Variants in ZMYM4 observed in about 807,000 individuals in gnomAD.
ZMYM4 encodes zinc finger MYM-type containing 4.
ZMYM4 carries 31 observed loss-of-function variants against 183.2 expected under a neutral mutation model. The ratio of observed to expected loss-of-function variants is 0.17; its 90% CI spans 0.13 to 0.23. ZMYM4 has a LOEUF of 0.23. Ranked by LOEUF, ZMYM4 falls within the 10% of genes least tolerant of loss-of-function variation. The pLI is 1.00. For synonymous variants in ZMYM4, 592 were observed against 631.2 expected (o/e 0.94, Z 0.93); for missense variants, 1,273 against 1,840.3 (o/e 0.69, Z 5.64).
chr1:35,391,706 T>A (rs1266915063), intron 15 of ZMYM4, among the ~76,000 whole-genome samples: 2 of 152,242 alleles, frequency 1.3e-5, no homozygotes, highest in East Asian at 3.8e-4. Context: ...GCCTTTTTTA[T>A]GTAAAGATAA....
intron 2 of ZMYM4, among the ~76,000 whole-genome samples, chr1:35,332,535 A>G (rs1216405838): frequency 6.6e-6 from 1 of 151,640 alleles, no homozygotes; most frequent in South Asian, 2.1e-4. Context: ...TGCCTTGCCT[A>G]ACAGGACTCA....
chr1:35,348,225 A>C (rs1643470485), intron 2 of ZMYM4, among the ~76,000 whole-genome samples: 1 of 152,248 alleles, frequency 6.6e-6, no homozygotes, highest in Admixed American at 6.5e-5. Context: ...TTCTATCAGA[A>C]ATGTATCAAG....
At chr1:35,386,217 T>G in intron 11 of ZMYM4, 28 bp downstream of exon 11, 1 of 1,530,130 alleles carries the variant, frequency 6.5e-7, no homozygotes, top group Non-Finnish European at 9.0e-7. Flanking sequence ...TTCCTCTTCT[T>G]CAGTCAGTGA....
intron 1 of ZMYM4, among the ~76,000 whole-genome samples, chr1:35,272,979 G>A (rs923853520): frequency 1.3e-5 from 2 of 152,176 alleles, no homozygotes; most frequent in African/African-American, 4.8e-5. Flanking sequence ...CTCCCAAAGT[G>A]CTAGGATTAC....
chr1:35,411,418 G>A (rs929756038), intron 26 of ZMYM4, among the ~76,000 whole-genome samples: 1 of 151,902 alleles, frequency 6.6e-6, no homozygotes, highest in East Asian at 1.9e-4. Context: ...GCCTCCCAAA[G>A]TGCTGGGATT....
At chr1:35,308,706 C>T (rs775706882) in intron 1 of ZMYM4, among the ~76,000 whole-genome samples, 2 of 152,042 alleles carry the variant, frequency 1.3e-5, no homozygotes, top group Non-Finnish European at 2.9e-5. Context: ...ACCAAAAATA[C>T]AAAAATTAGC....
chr1:35,338,880 G>A (rs1038452981), intron 2 of ZMYM4, among the ~76,000 whole-genome samples: 35 of 152,174 alleles, frequency 2.3e-4, no homozygotes, highest in Admixed American at 9.2e-4. Flanking sequence ...TAGATGGTGC[G>A]AATAAACTTC....
chr1:35,403,599 G>C (rs905570259), intron 23 of ZMYM4, among the ~76,000 whole-genome samples: 4 of 152,104 alleles, frequency 2.6e-5, no homozygotes, highest in Non-Finnish European at 5.9e-5. Context: ...TGAAGGTTTT[G>C]AGTGTCCCTG....
intron 11 of ZMYM4, among the ~76,000 whole-genome samples, 189 bp downstream of exon 11, chr1:35,386,378 C>T (rs1261529180): frequency 1.3e-5 from 2 of 151,860 alleles, no homozygotes; most frequent in Non-Finnish European, 2.9e-5. Flanking sequence ...TCAATTATGG[C>T]GGAAGGCGAA....
intron 1 of ZMYM4, among the ~76,000 whole-genome samples, chr1:35,301,641 T>G (rs74786855): frequency 0.017 from 2,526 of 152,242 alleles, 65 homozygotes; most frequent in African/African-American, 0.057. Context: ...TTCTGCCCGC[T>G]TTTTTCTGGT....
At chr1:35,409,455 T>G (rs1029143470) in intron 26 of ZMYM4, among the ~76,000 whole-genome samples, 1 of 152,232 alleles carries the variant, frequency 6.6e-6, no homozygotes, top group Non-Finnish European at 1.5e-5. Flanking sequence ...CTGTCTTTTT[T>G]TTTTTTAAAC....
chr1:35,371,108 C>CGT (rs1262720306), intron 7 of ZMYM4, among the ~76,000 whole-genome samples: 5 of 91,444 alleles, frequency 5.5e-5, no homozygotes, highest in Admixed American at 1.1e-4. Flanking sequence ...TGTGTGTGTG[C>CGT]GCACATTTAT....
At chr1:35,385,819 T>C (rs1306924286) in intron 10 of ZMYM4, among the ~76,000 whole-genome samples, 1 of 152,206 alleles carries the variant, frequency 6.6e-6, no homozygotes, top group African/African-American at 2.4e-5. Context: ...TAATATATTT[T>C]CTTTTTCCCT....
chr1:35,388,789 G>C, intron 13 of ZMYM4, 121 bp from the exon 14 acceptor site: 2 of 860,670 alleles, frequency 2.3e-6, no homozygotes, highest in Non-Finnish European at 3.6e-6. Flanking sequence ...CCTCCCGCCA[G>C]CCTCCCAAAG....
intron 2 of ZMYM4, among the ~76,000 whole-genome samples, chr1:35,333,299 C>G (rs1570373175): frequency 1.4e-5 from 2 of 147,436 alleles, no homozygotes; most frequent in East Asian, 4.0e-4. Context: ...GCTCTGTTGC[C>G]CAGGTTGGAG....
At chr1:35,277,138 A>G (rs143126078) in intron 1 of ZMYM4, among the ~76,000 whole-genome samples, 2 of 152,200 alleles carry the variant, frequency 1.3e-5, no homozygotes, top group East Asian at 3.9e-4. Flanking sequence ...TTATCTGGAG[A>G]GCTTTTAGTT....
At chr1:35,360,843 C>G (rs1163672104) in intron 3 of ZMYM4, among the ~76,000 whole-genome samples, 1 of 151,568 alleles carries the variant, frequency 6.6e-6, no homozygotes, top group Admixed American at 6.6e-5. Flanking sequence ...TGAGCTGAGT[C>G]TGGAAAACTG....
intron 26 of ZMYM4, among the ~76,000 whole-genome samples, chr1:35,411,040 A>G (rs1203180869): frequency 6.6e-6 from 1 of 151,850 alleles, no homozygotes; most frequent in Non-Finnish European, 1.5e-5. Context: ...ATTCTTTTGT[A>G]TGTGGTTATC....
chr1:35,306,866 T>C (rs1334998659), intron 1 of ZMYM4, among the ~76,000 whole-genome samples: 1 of 152,232 alleles, frequency 6.6e-6, no homozygotes, highest in African/African-American at 2.4e-5. Flanking sequence ...TAAATACATT[T>C]CATAGCATTT....
Sources: gnomAD v4.1 joint callset for allele counts (sites outside exome capture counted in the v4.1 genomes callset) on GRCh38, gnomAD v4.1.1 for gene constraint, MANE v1.5 for transcripts, NCBI Gene and HGNC (gene_info 2026-07-23, HGNC 2026-07-21) for gene names.